Variants in ABTB2 observed in about 807,000 individuals in gnomAD.
ABTB2 encodes ankyrin repeat and BTB/POZ domain-containing protein 2.
A neutral mutation model predicts 104.1 loss-of-function variants in ABTB2; 56 were observed. The ratio of observed to expected loss-of-function variants is 0.54; its 90% CI spans 0.43 to 0.67. The LOEUF (loss-of-function observed/expected upper bound fraction) is 0.67. ABTB2 is among the 30% of genes least tolerant of loss of function. ABTB2 has a pLI of 0.00. For missense variants in ABTB2, 1,279 were observed against 1,407.7 expected (o/e 0.91, Z 1.46); for synonymous variants, 606 against 608.2 (o/e 1.00, Z 0.05).
At chr11:34,300,612 C>T (rs1234565741) in intron 1 of ABTB2, among the ~76,000 whole-genome samples, 3 of 152,148 alleles carry the variant, frequency 2.0e-5, no homozygotes, top group African/African-American at 7.2e-5. Flanking sequence ...ATAATCTGGT[C>T]CCATTAATTT....
At chr11:34,353,103 G>A (rs1158178571) in intron 1 of ABTB2, among the ~76,000 whole-genome samples, 1 of 152,114 alleles carries the variant, frequency 6.6e-6, no homozygotes, top group Non-Finnish European at 1.5e-5. Context: ...AAATGGCAAA[G>A]GTAGGCTTCA....
chr11:34,217,650 C>T (rs528579851), intron 1 of ABTB2, among the ~76,000 whole-genome samples: 30 of 152,128 alleles, frequency 2.0e-4, no homozygotes, highest in African/African-American at 5.5e-4. Context: ...TTAGTAGAGA[C>T]GGGGTTTCTC....
Position 34,154,227 on chromosome 11 carries a change from G to A in ABTB2, c.2880+38C>T. ...CCGAGGCCCCCGTGGAGCAGAGCAT[G>A]TGGTGGGAGGTGGCCAGCAGGCATC... is the stretch of plus-strand genomic sequence containing the variant. On this transcript the variant is annotated intron_variant, in intron 16 of 16. Coordinates refer to ENST00000435224, the MANE Select transcript of ABTB2 (RefSeq NM_145804.3). This position sits in a 1 kb window ranked among gnomAD's most constrained non-coding sequence, Gnocchi z 4.9. The A allele has an allele frequency of 6.6e-7, 1 of 1,509,106 alleles. No individual in the cohort carries two copies. Among genetic ancestry groups the A allele is most frequent in the Non-Finnish European group, 9.2e-7 (1 of 1,086,434 alleles). The allele number at this position is 1,509,106 out of a possible 1,614,324, so 93.5% of individuals were successfully genotyped here.
chr11:34,308,868 C>CAAAAAAAAAAAAAAAAA (rs57658114), intron 1 of ABTB2, among the ~76,000 whole-genome samples: 7 of 77,792 alleles, frequency 9.0e-5, no homozygotes, highest in African/African-American at 1.7e-4. Flanking sequence ...GAAACTGTCT[C>CAAAAAAAAAAAAAAAAA]AAAAAAAAAA....
intron 3 of ABTB2, among the ~76,000 whole-genome samples, chr11:34,176,509 G>A (rs1308188257): frequency 6.6e-6 from 1 of 152,108 alleles, no homozygotes; most frequent in African/African-American, 2.4e-5. Context: ...AGGCCTGCTG[G>A]CACACGCCTG....
intron 1 of ABTB2, among the ~76,000 whole-genome samples, chr11:34,300,482 T>C (rs753224701): frequency 3.7e-4 from 56 of 152,186 alleles, no homozygotes; most frequent in Non-Finnish European, 6.9e-4. Flanking sequence ...GTGGAACTCA[T>C]TAATATAAAC....
At chr11:34,167,397 A>G in intron 6 of ABTB2, 37 bp from the exon 7 acceptor site, 3 of 1,567,364 alleles carry the variant, frequency 1.9e-6, no homozygotes, top group Non-Finnish European at 2.6e-6. Flanking sequence ...TTTTCTGGGC[A>G]CCCGAGCGAA....
At chr11:34,243,213 C>A (rs556815568) in intron 1 of ABTB2, among the ~76,000 whole-genome samples, 1 of 152,144 alleles carries the variant, frequency 6.6e-6, no homozygotes, top group Non-Finnish European at 1.5e-5. Context: ...TGAGAACAAG[C>A]AACCCATTTC....
chr11:34,300,353 C>A (rs1345097414), intron 1 of ABTB2, among the ~76,000 whole-genome samples: 1 of 152,194 alleles, frequency 6.6e-6, no homozygotes, highest in Non-Finnish European at 1.5e-5. Context: ...AATTCAATTA[C>A]AAAACCCTAC....
intron 1 of ABTB2, among the ~76,000 whole-genome samples, chr11:34,205,067 G>A (rs2746634): frequency 0.073 from 11,132 of 152,214 alleles, 432 homozygotes; most frequent in South Asian, 0.12. Context: ...TCACTCGCTC[G>A]TTGAATATTT....
intron 7 of ABTB2, among the ~76,000 whole-genome samples, chr11:34,166,755 G>A (rs1852805942): frequency 6.6e-6 from 1 of 152,252 alleles, no homozygotes; most frequent in African/African-American, 2.4e-5. Context: ...CGCCAGCACA[G>A]CTACCTGAGC....
intron 4 of ABTB2, among the ~76,000 whole-genome samples, chr11:34,171,864 T>C (rs1852878914): frequency 6.6e-6 from 1 of 152,066 alleles, no homozygotes. Context: ...TGGTAGAGAG[T>C]AGCATAGACT....
intron 1 of ABTB2, among the ~76,000 whole-genome samples, chr11:34,312,460 C>T (rs553865844): frequency 7.9e-5 from 12 of 152,296 alleles, no homozygotes; most frequent in Non-Finnish European, 1.3e-4. Flanking sequence ...AAGATGAAAG[C>T]ACATTGCTGG....
At chr11:34,171,469 G>C (rs1307853237) in intron 4 of ABTB2, among the ~76,000 whole-genome samples, 1 of 152,114 alleles carries the variant, frequency 6.6e-6, no homozygotes, top group African/African-American at 2.4e-5. Context: ...TACTAATCAG[G>C]AGTCTGAGGC....
intron 3 of ABTB2, among the ~76,000 whole-genome samples, chr11:34,189,005 T>C (rs1853138785): frequency 6.6e-6 from 1 of 152,216 alleles, no homozygotes; most frequent in Admixed American, 6.5e-5. Context: ...AGAGGTAAGA[T>C]GATTTGCTTG....
Position 34,161,074 on chromosome 11 carries a change from G to T in ABTB2, c.2226C>A (p.Pro742=). 1 of 1,606,414 alleles carries T rather than the reference G, an allele frequency of 6.2e-7. No individual in the cohort carries two copies. Among genetic ancestry groups the T allele is most frequent in the Non-Finnish European group, 8.5e-7 (1 of 1,175,886 alleles). The stretch of plus-strand genomic sequence containing the variant: ...ACTCGATCCAGATGTGCAGCTTCCA[G>T]GGGACTCCTGGTCCAGGCAGGGAAG... The part of the protein sequence containing the change: ...ITMELRALGV[P]WKLHIWIESL... The change falls in exon 11 of 17, where the codon CCC becomes CCA. Residue 742 remains proline, a synonymous_variant. Coordinates refer to ENST00000435224, the MANE Select transcript of ABTB2 (RefSeq NM_145804.3).
chr11:34,185,663 G>A (rs1234927094), intron 3 of ABTB2, among the ~76,000 whole-genome samples: 1 of 152,192 alleles, frequency 6.6e-6, no homozygotes, highest in Non-Finnish European at 1.5e-5. Context: ...ATTCTGAATG[G>A]TCACTGGAGG....
chr11:34,244,472 T>C (rs1853959942), intron 1 of ABTB2, among the ~76,000 whole-genome samples: 2 of 152,150 alleles, frequency 1.3e-5, no homozygotes, highest in Admixed American at 6.5e-5. Context: ...GACAATAAAA[T>C]ACGCAGAAAA....
chr11:34,206,114 C>T (rs1434877485), intron 1 of ABTB2, among the ~76,000 whole-genome samples: 2 of 152,186 alleles, frequency 1.3e-5, no homozygotes, highest in Admixed American at 1.3e-4. Flanking sequence ...AATCCCAGCA[C>T]TTTGGGAGGC....
Sources: gnomAD v4.1 joint callset for allele counts (sites outside exome capture counted in the v4.1 genomes callset) on GRCh38, gnomAD v4.1.1 for gene constraint, Gnocchi (gnomAD v3.1) non-coding constraint, MANE v1.5 for transcripts, NCBI Gene and HGNC (gene_info 2026-07-23, HGNC 2026-07-21) for gene names.